The following GPM6B variants were observed in gnomAD, a reference collection of about 807,000 sequenced individuals.
The protein encoded by GPM6B is neuronal membrane glycoprotein M6-b.
Under a neutral mutation model 27.2 loss-of-function variants are expected in GPM6B, and 4 were observed. That is an observed-to-expected ratio of 0.15 (90% confidence interval 0.07 to 0.34). GPM6B has a LOEUF of 0.34. Ranked by LOEUF, GPM6B falls within the 10% of genes least tolerant of loss-of-function variation. The pLI, the probability that GPM6B is intolerant of heterozygous loss-of-function variation, is 1.00. For synonymous variants in GPM6B, 124 were observed against 103.1 expected (o/e 1.20, Z -1.23); for missense variants, 183 against 261.9 (o/e 0.70, Z 2.08).
At chrX:13,883,948 C>T (rs898549137) in intron 1 of GPM6B, among the ~76,000 whole-genome samples, 1 of 111,599 alleles carries the variant, frequency 9.0e-6, no homozygotes, top group East Asian at 2.8e-4. Flanking sequence ...GAGGCCAAGG[C>T]GGGCAGATCA....
intron 7 of GPM6B, among the ~76,000 whole-genome samples, chrX:13,775,684 G>A (rs773065239): frequency 6.3e-5 from 7 of 111,819 alleles, no homozygotes; most frequent in African/African-American, 2.0e-4. Context: ...AGAAACACAC[G>A]AAACAAGCTT....
At chrX:13,918,919 T>C (rs929232673) in intron 1 of GPM6B, among the ~76,000 whole-genome samples, 6 of 112,102 alleles carry the variant, frequency 5.4e-5, no homozygotes, top group Non-Finnish European at 7.5e-5. Flanking sequence ...TTGCCAATGC[T>C]GGGGATTACA....
intron 1 of GPM6B, among the ~76,000 whole-genome samples, chrX:13,869,542 G>A (rs927150681): frequency 9.1e-6 from 1 of 109,919 alleles, no homozygotes; most frequent in African/African-American, 3.4e-5. Flanking sequence ...AAACCATAGG[G>A]GCATCAACTT....
At chrX:13,912,217 C>A (rs780747292) in intron 1 of GPM6B, among the ~76,000 whole-genome samples, 1 of 112,249 alleles carries the variant, frequency 8.9e-6, no homozygotes, top group African/African-American at 3.2e-5. Context: ...ACTTCTATTT[C>A]TAAAATTCAA....
intron 1 of GPM6B, among the ~76,000 whole-genome samples, chrX:13,840,916 G>C (rs2049565776): frequency 1.8e-5 from 2 of 112,038 alleles, no homozygotes; most frequent in African/African-American, 6.5e-5. Context: ...GGACAGAGAA[G>C]ATGAATTCAG....
intron 1 of GPM6B, among the ~76,000 whole-genome samples, chrX:13,936,837 C>T (rs755989594): frequency 1.3e-3 from 151 of 112,570 alleles, no homozygotes; most frequent in Non-Finnish European, 2.6e-3. Context: ...CCACCCTACC[C>T]CTAAATCAGT....
chrX:13,860,456 G>A (rs867029194), intron 1 of GPM6B, among the ~76,000 whole-genome samples: 5 of 44,320 alleles, frequency 1.1e-4, no homozygotes, highest in African/African-American at 2.1e-4. Flanking sequence ...TTTTTTTTTT[G>A]CTCTCAAAGA....
In GPM6B at chrX:13,817,011, T is replaced by G; in HGVS notation, c.-107A>C. 1 of 1,131,994 alleles carries G rather than the reference T, an allele frequency of 8.8e-7. No individual in the cohort carries two copies. The highest frequency in any genetic ancestry group is 1.2e-6 in the Non-Finnish European group (1 of 859,840). The allele number at this position is 1,131,994 out of a possible 1,213,427, so 93.3% of individuals were successfully genotyped here. On this transcript the variant is annotated 5_prime_UTR_variant, in exon 1 of 8. Coordinates refer to ENST00000316715, the MANE Select transcript of GPM6B (RefSeq NM_001001995.3). The stretch of plus-strand genomic sequence containing the variant: ...CCTCCGTCTCTTATTTACACCCGTC[T>G]GATTGAGAGGCTCTGTTCTTCACTA...
At chrX:13,870,247 C>T (rs763739791) in intron 1 of GPM6B, among the ~76,000 whole-genome samples, 3 of 103,447 alleles carry the variant, frequency 2.9e-5, no homozygotes, top group African/African-American at 1.0e-4. Flanking sequence ...TGCCACAAGT[C>T]GAATTTAAGA....
chrX:13,861,047 T>TATATACAC (rs2049842720), intron 1 of GPM6B, among the ~76,000 whole-genome samples: 1 of 55,508 alleles, frequency 1.8e-5, no homozygotes, highest in Non-Finnish European at 2.9e-5. Context: ...CACACACATA[T>TATATACAC]ATACATATAT....
chrX:13,866,467 T>C (rs1226530765), intron 1 of GPM6B, among the ~76,000 whole-genome samples: 1 of 111,782 alleles, frequency 8.9e-6, no homozygotes, highest in Non-Finnish European at 1.9e-5. Flanking sequence ...TAACAACACA[T>C]ATTTCAAAAA....
intron 1 of GPM6B, among the ~76,000 whole-genome samples, chrX:13,850,608 G>A (rs2049703998): frequency 8.9e-6 from 1 of 112,230 alleles, no homozygotes; most frequent in Admixed American, 9.4e-5. Flanking sequence ...GGTTCCAGGG[G>A]ATGGGAGTCT....
At chrX:13,800,117 C>T (rs1310047620) in intron 2 of GPM6B, among the ~76,000 whole-genome samples, 1 of 111,725 alleles carries the variant, frequency 9.0e-6, no homozygotes, top group East Asian at 2.8e-4. Context: ...TACCTGCTCA[C>T]TTGCTCTCTC....
At chrX:13,904,278 C>T (rs1362306743) in intron 1 of GPM6B, among the ~76,000 whole-genome samples, 1 of 111,772 alleles carries the variant, frequency 8.9e-6, no homozygotes, top group Non-Finnish European at 1.9e-5. Context: ...TTTTGAGATA[C>T]CTGCAATAAC....
rs745440990 is a variant in GPM6B at position 13,814,637 on chromosome X, A to G, written c.61+2207T>C. The stretch of plus-strand genomic sequence containing the variant: ...ACATTTGTGGCTATCATTTTATCCT[A>G]TGTGTACCTTAATGATGATGGGTGA... On this transcript the variant is annotated intron_variant, in intron 1 of 7. Coordinates refer to ENST00000316715, the MANE Select transcript of GPM6B (RefSeq NM_001001995.3). 4.4e-5 allele frequency among the ~76,000 whole-genome samples: 5 copies of G among 112,460 alleles called. No homozygotes were observed. In the East Asian group the frequency reaches 1.1e-3, roughly 25 times the overall value.
intron 2 of GPM6B, among the ~76,000 whole-genome samples, chrX:13,789,787 AAAAC>A (rs2048678555): frequency 9.1e-6 from 1 of 110,238 alleles, no homozygotes; most frequent in African/African-American, 3.3e-5. Flanking sequence ...AACAAAAACA[AAAAC>A]AAAAACAAAA....
chrX:13,889,349 A>T (rs2050167868), intron 1 of GPM6B: 1 of 111,858 alleles, frequency 8.9e-6, no homozygotes. Context: ...CTAGTAGTAA[A>T]ACCACCTACC....
intron 1 of GPM6B, among the ~76,000 whole-genome samples, chrX:13,839,324 T>C (rs7063084): frequency 0.13 from 13,168 of 104,992 alleles, 1,215 homozygotes; most frequent in African/African-American, 0.31. Context: ...TGAACCAATC[T>C]TACATGTATT....
chrX:13,891,397 A>C (rs151190809), intron 1 of GPM6B, among the ~76,000 whole-genome samples: 1,115 of 102,555 alleles, frequency 0.011, 21 homozygotes, highest in African/African-American at 0.039. Context: ...CCAGCTTTAC[A>C]AAGCAAGTCA....
Sources: gnomAD v4.1 joint callset for allele counts (sites outside exome capture counted in the v4.1 genomes callset) on GRCh38, gnomAD v4.1.1 for gene constraint, MANE v1.5 for transcripts, NCBI Gene and HGNC (gene_info 2026-07-23, HGNC 2026-07-21) for gene names.